TRMT10A: variants seen among roughly 807,000 people sequenced by gnomAD.
The protein encoded by TRMT10A is tRNA methyltransferase 10A.
TRMT10A carries 37 observed loss-of-function variants against 40.4 expected under a neutral mutation model. The observed-to-expected ratio is 0.92, with a 90% CI of 0.71 to 1.21. The LOEUF (loss-of-function observed/expected upper bound fraction) is 1.21, where lower values mean the gene tolerates loss of function less well. Among genes scored for constraint, TRMT10A ranks in the 50% most tolerant of loss-of-function variants. TRMT10A has a pLI of 0.00. For missense variants in TRMT10A, 388 were observed against 404.3 expected (o/e 0.96, Z 0.35); for synonymous variants, 103 against 134.1 (o/e 0.77, Z 1.60).
At position 99,549,053 on chromosome 4, in the gene TRMT10A, A is replaced by G; in HGVS notation, c.*35T>C. 1.2e-6 allele frequency: 2 copies of G among 1,602,532 alleles called. No homozygotes were observed. Among genetic ancestry groups the G allele is most frequent in the Non-Finnish European group, 1.7e-6 (2 of 1,171,628 alleles). On this transcript the variant is annotated 3_prime_UTR_variant, in exon 8 of 8. Transcript: ENST00000394876. The stretch of plus-strand genomic sequence containing the variant: ...TCTATATAGCACCTCACTTTCTCCT[A>G]ATTTTTCCTTAAACTAAAAGGAAAC...
intron 6 of TRMT10A, among the ~76,000 whole-genome samples, chr4:99,551,550 A>G (rs761014708): frequency 6.6e-6 from 1 of 152,208 alleles, no homozygotes; most frequent in Non-Finnish European, 1.5e-5. Context: ...TGCTCATCAC[A>G]TAAAAGTACA....
At chr4:99,554,779 A>G (rs1044024497) in intron 5 of TRMT10A, among the ~76,000 whole-genome samples, 46 of 152,028 alleles carry the variant, frequency 3.0e-4, no homozygotes, top group Non-Finnish European at 6.0e-4. Flanking sequence ...TATAGATTTA[A>G]TTAATTCCAT....
chr4:99,562,513 GCCT>G (rs1724461877), intron 1 of TRMT10A, among the ~76,000 whole-genome samples: 1 of 114,298 alleles, frequency 8.7e-6, no homozygotes, highest in Non-Finnish European at 1.8e-5. Context: ...GCAAAGGAAT[GCCT>G]TTTTTTTTTT....
chr4:99,557,840 A>G (rs1235802416), intron 3 of TRMT10A: 1 of 506,124 alleles, frequency 2.0e-6, no homozygotes, highest in East Asian at 3.5e-5. Flanking sequence ...GTCTGCACAC[A>G]TACTGACACA....
chr4:99,553,232 G>T (rs1578206851), intron 6 of TRMT10A, among the ~76,000 whole-genome samples: 1 of 152,226 alleles, frequency 6.6e-6, no homozygotes, highest in East Asian at 1.9e-4. Flanking sequence ...GAAGAATTTT[G>T]CATGCTGCAA....
chr4:99,560,991 C>T (rs974474054), intron 1 of TRMT10A, among the ~76,000 whole-genome samples: 1 of 150,838 alleles, frequency 6.6e-6, no homozygotes, highest in Non-Finnish European at 1.5e-5. Context: ...TGCTCTGTCA[C>T]CCAGGCTGGA....
At chr4:99,558,978 A>G (rs1158004986) in intron 2 of TRMT10A, among the ~76,000 whole-genome samples, 176 bp downstream of exon 2, 1 of 152,172 alleles carries the variant, frequency 6.6e-6, no homozygotes, top group Non-Finnish European at 1.5e-5. Flanking sequence ...GTTAGCTAAC[A>G]ATATACGTTG....
At position 99,548,200 on chromosome 4, in the gene TRMT10A, A is replaced by G. The variant is rs527758527; in HGVS notation, c.*888T>C. Reference sequence around the variant, plus strand: ...ATCACATGTGTATTTGATTTATAGAAACAAACATTAGTATGCATATTCTTA... The same window carrying G: ...ATCACATGTGTATTTGATTTATAGAGACAAACATTAGTATGCATATTCTTA... On this transcript the variant is annotated 3_prime_UTR_variant, in exon 8 of 8. Coordinates refer to ENST00000394876, the MANE Select transcript of TRMT10A (RefSeq NM_001134665.3). 1 of 152,220 alleles carries G rather than the reference A, an allele frequency of 6.6e-6. No homozygotes were observed. Among genetic ancestry groups the G allele is most frequent in the African/African-American group, 2.4e-5 (1 of 41,560 alleles). The allele number at this position is 152,220 out of a possible 1,614,324, so 9.4% of individuals were successfully genotyped here. A position where few individuals can be genotyped will look rare whatever the true frequency, so the allele number is the denominator to read the frequency against.
At chr4:99,558,247 T>C (rs750481071) in intron 2 of TRMT10A, 36 bp from the exon 3 acceptor site, 1 of 1,500,766 alleles carries the variant, frequency 6.7e-7, no homozygotes, top group Admixed American at 2.0e-5. Flanking sequence ...TTTGTTATTG[T>C]GTATTCAGTT....
chr4:99,563,763 C>A, intron 1 of TRMT10A, 150 bp downstream of exon 1: 1 of 464,884 alleles, frequency 2.2e-6, no homozygotes, highest in African/African-American at 2.0e-5. Flanking sequence ...TTTCCTTCAG[C>A]AAGAGCGCCG....
At chr4:99,551,063 T>G in intron 6 of TRMT10A, 73 bp from the exon 7 acceptor site, 1 of 1,090,640 alleles carries the variant, frequency 9.2e-7, no homozygotes, top group Non-Finnish European at 1.3e-6. Context: ...ATAAATAATT[T>G]TTAGATAAGA....
chr4:99,557,794 T>C (rs963945185), intron 3 of TRMT10A: 18 of 443,360 alleles, frequency 4.1e-5, no homozygotes, highest in Non-Finnish European at 6.3e-5. Context: ...AGTTCTGTCA[T>C]CTAGACTACA....
At chr4:99,557,776 G>T in intron 3 of TRMT10A, 1 of 418,826 alleles carries the variant, frequency 2.4e-6, no homozygotes, top group Non-Finnish European at 4.2e-6. Flanking sequence ...TCAATAAGTA[G>T]TTAATTTAGT....
intron 6 of TRMT10A, among the ~76,000 whole-genome samples, chr4:99,553,454 G>C (rs543282805): frequency 6.6e-6 from 1 of 152,290 alleles, no homozygotes; most frequent in East Asian, 1.9e-4. Flanking sequence ...GTAAAGCATA[G>C]ACAGCATTTA....
At chr4:99,554,503 A>G (rs756696915) in intron 5 of TRMT10A, among the ~76,000 whole-genome samples, 48 of 152,136 alleles carry the variant, frequency 3.2e-4, no homozygotes, top group Non-Finnish European at 6.6e-4. Flanking sequence ...CAGGTGGATC[A>G]CAAGGTCAGG....
rs769258679 is a variant in TRMT10A, at chr4:99,549,240, G to GAGA, written c.865_867dup (p.Ser289dup). On this transcript the variant is annotated inframe_insertion, in exon 8 of 8. Transcript: ENST00000394876. Reference sequence around the variant, plus strand: ...TCCATCCTGACAGACTGATTGTCATGAGAAGCACTTTCACAGGCTTTGTCT... The same window carrying GAGA: ...TCCATCCTGACAGACTGATTGTCATGAGAAGAAGCACTTTCACAGGCTTTGTCT... The GAGA allele has an allele frequency of 1.2e-6, 2 of 1,614,092 alleles. No individual in the cohort carries two copies. The highest frequency in any genetic ancestry group is 2.2e-5 in the South Asian group (2 of 91,084).
At chr4:99,558,011 T>A (rs754308848) in intron 3 of TRMT10A, 38 bp downstream of exon 3, 5 of 1,510,354 alleles carry the variant, frequency 3.3e-6, no homozygotes, top group Non-Finnish European at 4.4e-6. Flanking sequence ...TTCGACCTAA[T>A]TCACATACAA....
chr4:99,555,121 TA>T (rs1161926174), intron 5 of TRMT10A, among the ~76,000 whole-genome samples: 2 of 152,220 alleles, frequency 1.3e-5, no homozygotes, highest in Admixed American at 6.5e-5. Flanking sequence ...GTATAAATGA[TA>T]AATTTAACAA....
chr4:99,547,617 T>G lies in TRMT10A; in HGVS notation c.*1471A>C, dbSNP rs1316346934. On this transcript the variant is annotated 3_prime_UTR_variant, in exon 8 of 8. Coordinates refer to ENST00000394876, the MANE Select transcript of TRMT10A (RefSeq NM_001134665.3). ...CAACTTAAGACATAAGCTTTGTTAT[T>G]TTAAAATTGTAGGGCTTGTCTTTAC... 1 of 152,042 alleles carries G rather than the reference T, an allele frequency of 6.6e-6. No homozygotes were observed. Among genetic ancestry groups the G allele is most frequent in the Non-Finnish European group, 1.5e-5 (1 of 67,994 alleles). 9.4% of individuals were successfully genotyped at this position (152,042 alleles called of 1,614,324 possible). A position where few individuals can be genotyped will look rare whatever the true frequency, so the allele number is the denominator to read the frequency against.
Sources: gnomAD v4.1 joint callset for allele counts (sites outside exome capture counted in the v4.1 genomes callset) on GRCh38, gnomAD v4.1.1 for gene constraint, MANE v1.5 for transcripts, NCBI Gene and HGNC (gene_info 2026-07-23, HGNC 2026-07-21) for gene names.